ZNF574: variants seen among roughly 807,000 people sequenced by gnomAD.
ZNF574 encodes the protein zinc finger protein 574.
Under a neutral mutation model 56.6 loss-of-function variants are expected in ZNF574, and 25 were observed. The observed-to-expected ratio is 0.44, with a 90% CI of 0.32 to 0.62. ZNF574 has a LOEUF of 0.62. Ranked by LOEUF, ZNF574 falls within the 20% of genes least tolerant of loss-of-function variation. ZNF574 has a pLI of 0.04. For synonymous variants in ZNF574, 543 were observed against 492.1 expected, an observed-to-expected ratio of 1.10 and a Z score of -1.37; for missense variants, 1,065 against 1,218.9, an observed-to-expected ratio of 0.87 and a Z score of 1.88.
upstream of ZNF574, among the ~76,000 whole-genome samples, chr19:42,072,826 A>G (rs998892163): frequency 8.5e-5 from 13 of 152,292 alleles, no homozygotes; most frequent in African/African-American, 3.1e-4. Flanking sequence ...TCGGTCTCCC[A>G]AAGTGTTGTG....
upstream of ZNF574, chr19:42,075,264 G>A (rs2076447711): frequency 6.6e-6 from 1 of 152,396 alleles, no homozygotes; most frequent in African/African-American, 2.4e-5. Context: ...GGAATGGCCA[G>A]AGCCCCTTGG....
At chr19:42,075,866 G>A (rs575635913), upstream of ZNF574, among the ~76,000 whole-genome samples, 1 of 152,166 alleles carries the variant, frequency 6.6e-6, no homozygotes, top group Non-Finnish European at 1.5e-5. Context: ...CCTCCGCTCA[G>A]AGTTCCCCTC....
At chr19:42,072,466 G>A (rs2076430782), upstream of ZNF574, among the ~76,000 whole-genome samples, 1 of 151,858 alleles carries the variant, frequency 6.6e-6, no homozygotes. Flanking sequence ...TCGATCTCCT[G>A]ACTTCGTGAT....
At chr19:42,073,260 G>GTT (rs2076436304), upstream of ZNF574, among the ~76,000 whole-genome samples, 1 of 152,208 alleles carries the variant, frequency 6.6e-6, no homozygotes, top group Admixed American at 6.5e-5. Context: ...CAGCATGACA[G>GTT]TTTCTCTCTC....
chr19:42,080,690 G>C lies in ZNF574; in HGVS notation c.2084G>C (p.Gly695Ala), dbSNP rs1224816263. 1 of 1,613,090 alleles carries C rather than the reference G, an allele frequency of 6.2e-7. No individual in the cohort carries two copies. The highest frequency in any genetic ancestry group is 8.5e-7 in the Non-Finnish European group (1 of 1,179,920). The change falls in exon 2 of 2, where the codon GGA becomes GCA. Residue 695 changes from glycine to alanine, a missense_variant. Coordinates refer to ENST00000359044, the MANE Select transcript of ZNF574 (RefSeq NM_022752.6). This position sits in a 1 kb window ranked among gnomAD's most constrained non-coding sequence, Gnocchi z 8.5. ...GCGGCCCATGCAGCTGCTGGGCCTG[G>C]AGAGGTCCTGGCTAAGGAGCCCCCT... ...HEAAHAAAGP[G>A]EVLAKEPPAP...
upstream of ZNF574, chr19:42,075,014 G>C (rs2076446552): frequency 6.6e-6 from 1 of 152,258 alleles, no homozygotes; most frequent in Non-Finnish European, 1.5e-5. Context: ...CTCCCGAGTT[G>C]CTGGGGTTAC....
rs370536590 is a variant in ZNF574 at position 42,081,182 on chromosome 19, C to T, written c.2576C>T (p.Ala859Val). 6.9e-5 allele frequency: 112 copies of T among 1,613,890 alleles called. No homozygotes were observed. Among genetic ancestry groups the T allele is most frequent in the African/African-American group, 9.3e-5 (7 of 74,934 alleles). The change falls in exon 2 of 2, where the codon GCG becomes GTG. Residue 859 changes from alanine to valine, a missense_variant. Ala to Val is a moderately conservative substitution (Grantham distance 64). Transcript: ENST00000359044. ...QAAVRQQLAE[A>V]EAAVGLAVME... Reference sequence around the variant, plus strand: ...GCTGTGCGGCAGCAGCTGGCAGAGGCGGAGGCTGCCGTTGGCCTGGCCGTC... The same window carrying T: ...GCTGTGCGGCAGCAGCTGGCAGAGGTGGAGGCTGCCGTTGGCCTGGCCGTC...
Position 42,081,443 on chromosome 19 carries a change from G to T in ZNF574, c.*146G>T. ...CTAAATTGGATTTATTCTCTCGTGA[G>T]GGGGGTGCTCTGGGGTCCTTGACAC... On this transcript the variant is annotated 3_prime_UTR_variant, in exon 2 of 2. Transcript: ENST00000359044. 8.9e-7 allele frequency: 1 copy of T among 1,129,868 alleles called. No homozygotes were observed. The highest frequency in any genetic ancestry group is 2.0e-5 in the Admixed American group (1 of 49,730). The allele number at this position is 1,129,868 out of a possible 1,614,324, so 70.0% of individuals were successfully genotyped here.
At chr19:42,078,552 C>G in intron 1 of ZNF574, 35 bp from the exon 2 acceptor site, 2 of 1,561,842 alleles carry the variant, frequency 1.3e-6, no homozygotes, top group Non-Finnish European at 1.7e-6. Flanking sequence ...GAATCGGTGA[C>G]CTAACTGGTT....
chr19:42,073,535 A>AC (rs1157802379), upstream of ZNF574, among the ~76,000 whole-genome samples: 7 of 151,598 alleles, frequency 4.6e-5, no homozygotes, highest in African/African-American at 1.7e-4. Flanking sequence ...AAAAAAAAAA[A>AC]AAAACCCGGG....
chr19:42,078,547 G>C (rs770894176), intron 1 of ZNF574, 40 bp from the exon 2 acceptor site: 2 of 1,543,356 alleles, frequency 1.3e-6, no homozygotes, highest in South Asian at 2.4e-5. Flanking sequence ...CTGAGGAATC[G>C]GTGACCTAAC....
At chr19:42,075,785 G>A (rs182179436), upstream of ZNF574, among the ~76,000 whole-genome samples, 14 of 127,228 alleles carry the variant, frequency 1.1e-4, no homozygotes, top group African/African-American at 3.3e-4. Context: ...TGTCCCCAAC[G>A]CTGACTCCCT....
At chr19:42,076,838 C>T (rs1326525647) in intron 1 of ZNF574, among the ~76,000 whole-genome samples, 1 of 151,756 alleles carries the variant, frequency 6.6e-6, no homozygotes, top group Admixed American at 6.6e-5. Flanking sequence ...AAGGAGGGGT[C>T]CAGTTGTAAT....
rs756384294 is a variant in ZNF574 at position 42,080,255 on chromosome 19, C to T, written c.1649C>T (p.Pro550Leu). 9.9e-6 allele frequency: 16 copies of T among 1,614,184 alleles called. No individual in the cohort carries two copies. Among genetic ancestry groups the T allele is most frequent in the Non-Finnish European group, 8.5e-7 (1 of 1,180,032 alleles). ...CGGCTCACACACACAGGAGAGCGGCCCTACCGGTGTGGGGACTGTGGCAAG... is the reference window on the plus strand; with the variant it reads ...CGGCTCACACACACAGGAGAGCGGCTCTACCGGTGTGGGGACTGTGGCAAG... ...RHRLTHTGER[P>L]YRCGDCGKAF... Residue 550 changes from proline (P) to leucine (L), a missense_variant, in exon 2 of 2, where the codon CCC becomes CTC. Transcript: ENST00000359044. This position sits in a 1 kb window ranked among gnomAD's most constrained non-coding sequence, Gnocchi z 8.5.
upstream of ZNF574, among the ~76,000 whole-genome samples, chr19:42,072,696 A>G (rs2146207029): frequency 6.6e-6 from 1 of 151,740 alleles, no homozygotes; most frequent in East Asian, 1.9e-4. Context: ...CCTCCCGCGT[A>G]GCTGGGATTA....
At chr19:42,075,209 C>A (rs2076447483), upstream of ZNF574, 2 of 152,308 alleles carry the variant, frequency 1.3e-5, no homozygotes, top group African/African-American at 4.8e-5. Flanking sequence ...AGTACTGGGG[C>A]AACTCCCTCC....
Position 42,078,716 on chromosome 19 carries a change from CCCACGTG to C in ZNF574, c.113_119del (p.His38ProfsTer46). The C allele has an allele frequency of 6.2e-7, 1 of 1,614,104 alleles. No homozygotes were observed. Among genetic ancestry groups the C allele is most frequent in the Non-Finnish European group, 8.5e-7 (1 of 1,179,978 alleles). On this transcript the variant is annotated frameshift_variant, in exon 2 of 2. Coordinates refer to ENST00000359044, the MANE Select transcript of ZNF574 (RefSeq NM_022752.6). LOFTEE classifies it high-confidence loss of function. ...GAAGAGGTGCTTATGCACCAAAACT[CCCACGTG>C]CCCCAGCAGCACTTTGAGCTGGTGG... is the stretch of plus-strand genomic sequence containing the variant.
intron 1 of ZNF574, 133 bp downstream of exon 1, chr19:42,076,419 C>G (rs1430402590): frequency 6.6e-6 from 1 of 151,644 alleles, no homozygotes; most frequent in Non-Finnish European, 1.5e-5. Context: ...GCGGCACCAA[C>G]GGCCGACCCG....
chr19:42,070,074 G>A (rs987697761), intron 1 of ZNF574, among the ~76,000 whole-genome samples: 1 of 148,222 alleles, frequency 6.7e-6, no homozygotes, highest in Admixed American at 6.7e-5. Flanking sequence ...GTGAGGAGCC[G>A]GCTCCAGTCC....
Sources: gnomAD v4.1 joint callset for allele counts (sites outside exome capture counted in the v4.1 genomes callset) on GRCh38, gnomAD v4.1.1 for gene constraint, Gnocchi (gnomAD v3.1) non-coding constraint, MANE v1.5 for transcripts, NCBI Gene and HGNC (gene_info 2026-07-23, HGNC 2026-07-21) for gene names.